Variants in INTS4 observed in about 807,000 individuals in gnomAD.
The protein encoded by INTS4 is MSTP093.
INTS4 carries 70 observed loss-of-function variants against 119.5 expected under a neutral mutation model. The observed-to-expected ratio is 0.59, with a 90% CI of 0.48 to 0.71. INTS4 has a LOEUF of 0.71. INTS4 is among the 30% of genes least tolerant of loss of function. INTS4 has a pLI of 0.00. For synonymous variants in INTS4, 316 were observed against 419.6 expected (o/e 0.75, Z 3.02); for missense variants, 867 against 1,173.2 (o/e 0.74, Z 3.81).
Position 77,964,396 on chromosome 11 carries a change from T to G in INTS4, c.472-3258A>C, listed in dbSNP as rs1311434286. 2.0e-5 allele frequency among the ~76,000 whole-genome samples: 3 copies of G among 150,984 alleles called. No individual in the cohort carries two copies. The East Asian group carries it at 5.8e-4, about 29-fold the overall frequency. On this transcript the variant is annotated intron_variant, in intron 4 of 22. Coordinates refer to ENST00000534064, the MANE Select transcript of INTS4 (RefSeq NM_033547.4). ...TCCTGGCTAACATGGTGAAACCCCA[T>G]CTCTACTAAAAAAAAAATACAAAAA...
chr11:77,994,109 G>C (rs754277507), intron 1 of INTS4, among the ~76,000 whole-genome samples: 1 of 152,022 alleles, frequency 6.6e-6, no homozygotes, highest in Non-Finnish European at 1.5e-5. Context: ...GCGCCTGAAG[G>C]AATTCTATAG....
intron 16 of INTS4, among the ~76,000 whole-genome samples, chr11:77,905,317 C>A (rs1291702461): frequency 2.0e-5 from 3 of 151,958 alleles, no homozygotes; most frequent in African/African-American, 7.3e-5. Context: ...ATTAGCCAGG[C>A]GTGGTGGTGC....
At chr11:77,982,934 T>G (rs1243556893) in intron 2 of INTS4, among the ~76,000 whole-genome samples, 1 of 152,186 alleles carries the variant, frequency 6.6e-6, no homozygotes, top group Non-Finnish European at 1.5e-5. Flanking sequence ...CGTTGGAAGA[T>G]CTAAAATCCT....
At chr11:77,978,514 A>G (rs1201800042) in intron 4 of INTS4, 2 of 152,362 alleles carry the variant, frequency 1.3e-5, no homozygotes, top group Admixed American at 6.5e-5. Flanking sequence ...AAGAACGTAC[A>G]AAACTTTTCC....
chr11:77,935,939 T>C (rs910275362), intron 10 of INTS4, among the ~76,000 whole-genome samples: 1 of 83,288 alleles, frequency 1.2e-5, no homozygotes, highest in Non-Finnish European at 2.4e-5. Flanking sequence ...CTTCAAGTAG[T>C]GCAAAAGAAG....
At chr11:77,985,784 T>C (rs1856433487) in intron 2 of INTS4, among the ~76,000 whole-genome samples, 1 of 152,196 alleles carries the variant, frequency 6.6e-6, no homozygotes, top group South Asian at 2.1e-4. Flanking sequence ...ATATATGGTC[T>C]GCCGACTACA....
intron 3 of INTS4, among the ~76,000 whole-genome samples, chr11:77,980,867 C>A (rs1856178286): frequency 6.6e-6 from 1 of 152,040 alleles, no homozygotes; most frequent in Admixed American, 6.6e-5. Context: ...GTGGCAGGCA[C>A]CTGTAGTCCC....
At chr11:77,966,190 T>C (rs1039672839) in intron 4 of INTS4, among the ~76,000 whole-genome samples, 2 of 152,204 alleles carry the variant, frequency 1.3e-5, no homozygotes, top group African/African-American at 4.8e-5. Flanking sequence ...CCTTATATAT[T>C]TTGGATATTA....
At chr11:77,987,831 C>T (rs544120971) in intron 2 of INTS4, 9 of 316,950 alleles carry the variant, frequency 2.8e-5, no homozygotes, top group Non-Finnish European at 5.1e-5. Context: ...AGTGATCACG[C>T]CATTGCACTC....
intron 4 of INTS4, among the ~76,000 whole-genome samples, chr11:77,966,334 G>C (rs950052906): frequency 6.6e-6 from 1 of 152,028 alleles, no homozygotes; most frequent in African/African-American, 2.4e-5. Flanking sequence ...GTGGTTGGTT[G>C]GTTGCCTGCT....
chr11:77,974,449 G>C (rs1194083405), intron 4 of INTS4, among the ~76,000 whole-genome samples: 2 of 151,714 alleles, frequency 1.3e-5, no homozygotes, highest in Non-Finnish European at 2.9e-5. Flanking sequence ...CACCATGTTG[G>C]TCAGGCTGGT....
In INTS4 at chr11:77,910,264, T is replaced by TA. The variant is rs1211204514; in HGVS notation, c.1923-2455dup. Reference sequence around the variant, plus strand: ...TACACCATGGAATACTATGCAGCCATAAAAAATGATGAGTTCATGTCCTTT... The same window carrying TA: ...TACACCATGGAATACTATGCAGCCATAAAAAAATGATGAGTTCATGTCCTTT... On this transcript the variant is annotated intron_variant, in intron 15 of 22. Transcript: ENST00000534064. 8.6e-5 allele frequency among the ~76,000 whole-genome samples: 13 copies of TA among 151,718 alleles called. No individual in the cohort carries two copies. The East Asian group carries it at 2.1e-3, about 25-fold the overall frequency.
At chr11:77,909,658 G>A (rs1384315703) in intron 15 of INTS4, among the ~76,000 whole-genome samples, 1 of 152,200 alleles carries the variant, frequency 6.6e-6, no homozygotes, top group Non-Finnish European at 1.5e-5. Flanking sequence ...TTATAAGCTA[G>A]CTTGTGAAAA....
chr11:77,954,461 A>T lies in INTS4; in HGVS notation c.918+1481T>A, dbSNP rs572514252. Among the ~76,000 whole-genome samples, 120 of 152,228 alleles carry T rather than the reference A, an allele frequency of 7.9e-4. 1 individual carries two copies. Among genetic ancestry groups the T allele is most frequent in the African/African-American group, 2.8e-3 (115 of 41,548 alleles). Reference sequence around the variant, plus strand: ...CACCATGCCCCAACTGGATAATGGCATCTATCCTGCAGGGTTACTGTAAAG... The same window carrying T: ...CACCATGCCCCAACTGGATAATGGCTTCTATCCTGCAGGGTTACTGTAAAG... On this transcript the variant is annotated intron_variant, in intron 8 of 22. Coordinates refer to ENST00000534064, the MANE Select transcript of INTS4 (RefSeq NM_033547.4).
chr11:77,934,060 G>T (rs1345339951), intron 10 of INTS4, among the ~76,000 whole-genome samples: 1 of 151,594 alleles, frequency 6.6e-6, no homozygotes, highest in Non-Finnish European at 1.5e-5. Flanking sequence ...AAAATCTTCT[G>T]CCTTGGGATG....
chr11:77,952,427 A>C (rs1464401138), intron 8 of INTS4, among the ~76,000 whole-genome samples: 1 of 152,246 alleles, frequency 6.6e-6, no homozygotes, highest in Non-Finnish European at 1.5e-5. Flanking sequence ...AAAGATTAAA[A>C]GTTACTTGCA....
At chr11:77,978,918 C>T in intron 4 of INTS4, 78 bp downstream of exon 4, 1 of 807,770 alleles carries the variant, frequency 1.2e-6, no homozygotes, top group Non-Finnish European at 2.1e-6. Context: ...AATAAGGCAG[C>T]TCCTAAAACC....
intron 15 of INTS4, among the ~76,000 whole-genome samples, chr11:77,910,339 A>G (rs1378189911): frequency 6.6e-6 from 1 of 151,474 alleles, no homozygotes; most frequent in Non-Finnish European, 1.5e-5. Context: ...AAACTATCAC[A>G]AGGACAAAAA....
chr11:77,920,637 G>C (rs1953335556), intron 14 of INTS4, among the ~76,000 whole-genome samples: 1 of 151,910 alleles, frequency 6.6e-6, no homozygotes, highest in African/African-American at 2.4e-5. Context: ...CAGATCACGA[G>C]GTCAGGAGAT....
Sources: gnomAD v4.1 joint callset for allele counts (sites outside exome capture counted in the v4.1 genomes callset) on GRCh38, gnomAD v4.1.1 for gene constraint, MANE v1.5 for transcripts, NCBI Gene and HGNC (gene_info 2026-07-23, HGNC 2026-07-21) for gene names.